The following DHPS variants were observed in gnomAD, a reference collection of about 807,000 sequenced individuals.
The protein encoded by DHPS is deoxyhypusine synthase, also known as migration-inducing gene 13.
A neutral mutation model predicts 38.7 loss-of-function variants in DHPS; 24 were observed. That is an observed-to-expected ratio of 0.62 (90% confidence interval 0.45 to 0.87). DHPS has a LOEUF of 0.87. DHPS is among the 40% of genes least tolerant of loss of function. DHPS has a pLI of 0.00. For missense variants in DHPS, 510 were observed against 497.6 expected (o/e 1.02, Z -0.24); for synonymous variants, 250 against 204.4 (o/e 1.22, Z -1.90).
chr19:12,676,881 T>A, intron 7 of DHPS: 6 of 552,744 alleles, frequency 1.1e-5, no homozygotes, highest in South Asian at 9.9e-5. Context: ...CCAAAACCTC[T>A]TGTTGGACAG....
At chr19:12,679,376 T>C (rs2024722076) in intron 5 of DHPS, 81 bp downstream of exon 5, 4 of 1,299,426 alleles carry the variant, frequency 3.1e-6, no homozygotes, top group Non-Finnish European at 4.5e-6. Context: ...ATAACAGTAC[T>C]GAATCCCCAG....
chr19:12,679,833 C>G lies in DHPS; in HGVS notation c.462G>C (p.Arg154Ser), dbSNP rs755547717. The change falls in exon 3 of 9, where the codon AGG (arginine) becomes AGC (serine). Residue 154 changes from arginine (R) to serine (S), a missense_variant. Transcript: ENST00000210060. ...TCCCGTTCTCCCGGAGCTCCTTCCCCCTGAGGCTAAACTCGCCCAAGTATG... is the reference window on the plus strand; with the variant it reads ...TCCCGTTCTCCCGGAGCTCCTTCCCGCTGAGGCTAAACTCGCCCAAGTATG... ...APTYLGEFSLRGKELRENGIN... is the reference protein window; with the variant it reads ...APTYLGEFSLSGKELRENGIN... 1 of 1,614,184 alleles carries G rather than the reference C, an allele frequency of 6.2e-7. No homozygotes were observed. Among genetic ancestry groups the G allele is most frequent in the Non-Finnish European group, 8.5e-7 (1 of 1,180,042 alleles).
downstream of DHPS, among the ~76,000 whole-genome samples, chr19:12,675,328 C>T (rs1156282829): frequency 6.6e-6 from 1 of 152,148 alleles, no homozygotes; most frequent in East Asian, 1.9e-4. Context: ...CCTGGTAGGA[C>T]AGAGCTACTG....
chr19:12,674,223 A>G (rs953793384), downstream of DHPS, among the ~76,000 whole-genome samples: 2 of 152,200 alleles, frequency 1.3e-5, no homozygotes, highest in Admixed American at 6.5e-5. Context: ...CTTGGGTGAG[A>G]TAGGGCTGCA....
downstream of DHPS, among the ~76,000 whole-genome samples, chr19:12,674,398 C>T (rs949883392): frequency 2.6e-5 from 4 of 152,158 alleles, no homozygotes; most frequent in African/African-American, 4.8e-5. Context: ...GAGACATCAG[C>T]GCTGGGCTTG....
downstream of DHPS, chr19:12,672,533 G>A (rs541754721): frequency 3.3e-5 from 12 of 358,650 alleles, no homozygotes; most frequent in African/African-American, 1.5e-4. Flanking sequence ...TCTTGAACCC[G>A]GGAGGCAGAG....
intron 2 of DHPS, 71 bp from the exon 3 acceptor site, chr19:12,679,993 C>T (rs566616639): frequency 3.2e-6 from 5 of 1,570,618 alleles, no homozygotes; most frequent in African/African-American, 2.7e-5. Context: ...GAACTTCTAA[C>T]CTCATCCTTG....
In DHPS at chr19:12,676,158, GGCACGGTGGGC is replaced by G; in HGVS notation, c.889-27_889-17del. 6.3e-7 allele frequency: 1 copy of G among 1,595,074 alleles called. No individual in the cohort carries two copies. Among genetic ancestry groups the G allele is most frequent in the Non-Finnish European group, 8.5e-7 (1 of 1,172,664 alleles). ...CCCCGTTCCGCTGTGGGGAGGCGGGGGCACGGTGGGCCCAGTCAGCCAGTCACAGGAGACAG... is the reference window on the plus strand; with the variant it reads ...CCCCGTTCCGCTGTGGGGAGGCGGGGCCAGTCAGCCAGTCACAGGAGACAG... On this transcript the variant is annotated splice_polypyrimidine_tract_variant and intron_variant, in intron 7 of 8. Coordinates refer to ENST00000210060, the MANE Select transcript of DHPS (RefSeq NM_001930.4).
chr19:12,676,856 T>G (rs531964646), intron 7 of DHPS: 193 of 516,144 alleles, frequency 3.7e-4, no homozygotes, highest in African/African-American at 2.7e-3. Flanking sequence ...AGCTCACACT[T>G]CCAGAAGCCT....
rs1274273787 is a variant in DHPS at position 12,681,415 on chromosome 19, G to A, written c.207+145C>T. ...TTCCCAGGACAGAAACTCCCGCCCA[G>A]AATAGGTCCCGCCTTCCTCCAACTA... On this transcript the variant is annotated intron_variant, in intron 1 of 8. Coordinates refer to ENST00000210060, the MANE Select transcript of DHPS (RefSeq NM_001930.4). 5.4e-6 allele frequency: 6 copies of A among 1,115,218 alleles called. No individual in the cohort carries two copies. In the East Asian group the frequency reaches 1.3e-4, roughly 24 times the overall value. 69.1% of individuals were successfully genotyped at this position (1,115,218 alleles called of 1,614,324 possible). A position where few individuals can be genotyped will look rare whatever the true frequency, so the allele number is the denominator to read the frequency against.
intron 1 of DHPS, chr19:12,681,304 C>G: frequency 9.1e-6 from 11 of 1,211,858 alleles, no homozygotes; most frequent in Non-Finnish European, 1.2e-5. Context: ...TTTAAATGTA[C>G]CTAGAACCCG....
At chr19:12,675,607 G>T, downstream of DHPS, 1 of 1,604,328 alleles carries the variant, frequency 6.2e-7, no homozygotes, top group Non-Finnish European at 8.5e-7. Context: ...CCTGCTGACC[G>T]CCATGGGAGG....
At chr19:12,674,670 G>A (rs2145330394), downstream of DHPS, among the ~76,000 whole-genome samples, 1 of 152,284 alleles carries the variant, frequency 6.6e-6, no homozygotes, top group African/African-American at 2.4e-5. Context: ...GCTGCCAAAT[G>A]GACAGGATGG....
downstream of DHPS, chr19:12,672,934 T>C (rs1269390325): frequency 6.3e-7 from 1 of 1,597,892 alleles, no homozygotes; most frequent in Admixed American, 1.8e-5. Context: ...GCTGGGGATG[T>C]GGGACAGGCA....
chr19:12,676,598 C>CA (rs2024597321), intron 7 of DHPS: 1 of 219,534 alleles, frequency 4.6e-6, no homozygotes, highest in South Asian at 6.4e-5. Flanking sequence ...CCTCAGCCCA[C>CA]AGGGCCCAGC....
At chr19:12,673,898 C>T (rs1366674719), downstream of DHPS, among the ~76,000 whole-genome samples, 1 of 152,132 alleles carries the variant, frequency 6.6e-6, no homozygotes. Flanking sequence ...CAGGGTTTCA[C>T]CATGTTGGCC....
chr19:12,675,950 C>G lies in DHPS; in HGVS notation c.1015-17G>C. 1 of 1,602,066 alleles carries G rather than the reference C, an allele frequency of 6.2e-7. No individual in the cohort carries two copies. Among genetic ancestry groups the G allele is most frequent in the Non-Finnish European group, 8.5e-7 (1 of 1,172,904 alleles). On this transcript the variant is annotated splice_polypyrimidine_tract_variant and intron_variant, in intron 8 of 8. Coordinates refer to ENST00000210060, the MANE Select transcript of DHPS (RefSeq NM_001930.4). ...AGCATAGACCTGGGTAGGGGGGAAC[C>G]TGGGTAAGCCATGGGACCCACACTC...
At chr19:12,679,744 T>G in intron 3 of DHPS, 25 bp from the exon 4 acceptor site, 1 of 1,614,180 alleles carries the variant, frequency 6.2e-7, no homozygotes, top group Non-Finnish European at 8.5e-7. Flanking sequence ...CATGTAGGCA[T>G]CAGGCCCCAG....
In DHPS at chr19:12,677,281, A is replaced by G; in HGVS notation, c.784+10T>C. 1.2e-6 allele frequency: 2 copies of G among 1,614,030 alleles called. No homozygotes were observed. The highest frequency in any genetic ancestry group is 1.7e-6 in the Non-Finnish European group (2 of 1,179,960). On this transcript the variant is annotated intron_variant, in intron 6 of 8. Coordinates refer to ENST00000210060, the MANE Select transcript of DHPS (RefSeq NM_001930.4). The stretch of plus-strand genomic sequence containing the variant: ...TCCTTCCCCTCTCCTCTGTGGCCCT[A>G]GCGCCTCACCCTCAACGATGTCCAG...
Sources: allele counts gnomAD v4.1 joint callset (sites outside exome capture counted in the v4.1 genomes callset), GRCh38; gene constraint gnomAD v4.1.1; transcripts MANE v1.5; gene names NCBI Gene and HGNC (gene_info 2026-07-23, HGNC 2026-07-21).